LIMCH1: variants seen among roughly 807,000 people sequenced by gnomAD.
LIMCH1 encodes the protein LIM and calponin homology domains 1.
Under a neutral mutation model 176.5 loss-of-function variants are expected in LIMCH1, and 113 were observed. That is an observed-to-expected ratio of 0.64 (90% CI 0.55 to 0.75). The LOEUF (loss-of-function observed/expected upper bound fraction) is 0.75, where lower values mean the gene tolerates loss of function less well. Ranked by LOEUF, LIMCH1 falls within the 30% of genes least tolerant of loss-of-function variation. The pLI is 0.00. For synonymous variants in LIMCH1, 619 were observed against 645.9 expected, an observed-to-expected ratio of 0.96 and a Z score of 0.63; for missense variants, 1,674 against 1,814.9, an observed-to-expected ratio of 0.92 and a Z score of 1.41.
At chr4:41,428,889 C>A (rs2061350594) in intron 1 of LIMCH1, among the ~76,000 whole-genome samples, 1 of 152,216 alleles carries the variant, frequency 6.6e-6, no homozygotes, top group Non-Finnish European at 1.5e-5. Context: ...TCGCTCACTG[C>A]TGCCTGAAGT....
chr4:41,361,026 C>T (rs2154089995), intron 1 of LIMCH1: 1 of 766,036 alleles, frequency 1.3e-6, no homozygotes, highest in South Asian at 2.1e-5. Context: ...GCCTTGCCTC[C>T]CCCCAACCGC....
chr4:41,673,824 G>T (rs957467840), intron 22 of LIMCH1, among the ~76,000 whole-genome samples: 5 of 152,198 alleles, frequency 3.3e-5, no homozygotes, highest in Non-Finnish European at 7.4e-5. Flanking sequence ...CAGGTAAATT[G>T]TAGGACAAAG....
At chr4:41,467,611 C>T (rs772877313) in intron 1 of LIMCH1, among the ~76,000 whole-genome samples, 6 of 152,194 alleles carry the variant, frequency 3.9e-5, no homozygotes, top group Non-Finnish European at 5.9e-5. Flanking sequence ...CCCACCGGGT[C>T]CCTCCCATGG....
chr4:41,644,322 G>A (rs1009003784), intron 14 of LIMCH1, among the ~76,000 whole-genome samples, 178 bp from the exon 15 acceptor site: 3 of 152,050 alleles, frequency 2.0e-5, no homozygotes, highest in Non-Finnish European at 4.4e-5. Context: ...TGGGGTGCCA[G>A]CACGCCCACC....
At chr4:41,476,433 A>G (rs1384078154) in intron 1 of LIMCH1, among the ~76,000 whole-genome samples, 1 of 152,226 alleles carries the variant, frequency 6.6e-6, no homozygotes, top group Non-Finnish European at 1.5e-5. Flanking sequence ...AGCCAAATAC[A>G]GAGCCTGAGC....
chr4:41,461,074 G>A (rs1043323641), intron 1 of LIMCH1, among the ~76,000 whole-genome samples: 1 of 152,146 alleles, frequency 6.6e-6, no homozygotes, highest in Non-Finnish European at 1.5e-5. Flanking sequence ...TTATGTAGTG[G>A]TTATCCTATG....
intron 15 of LIMCH1, among the ~76,000 whole-genome samples, 156 bp downstream of exon 15, chr4:41,644,782 TGAGTA>T (rs564000118): frequency 4.0e-5 from 6 of 151,742 alleles, no homozygotes; most frequent in South Asian, 4.2e-4. Flanking sequence ...CAAAGGAAGG[TGAGTA>T]GCAGCGTGAA....
chr4:41,626,225 T>C (rs1483252532), intron 7 of LIMCH1, among the ~76,000 whole-genome samples: 1 of 152,188 alleles, frequency 6.6e-6, no homozygotes, highest in Non-Finnish European at 1.5e-5. Context: ...CCTTACATTT[T>C]GTAATCTGTT....
At chr4:41,550,204 A>T (rs1192899755) in intron 1 of LIMCH1, among the ~76,000 whole-genome samples, 2 of 151,666 alleles carry the variant, frequency 1.3e-5, no homozygotes, top group East Asian at 4.0e-4. Context: ...GTGAGACTCA[A>T]AATTTGATAT....
chr4:41,503,031 A>ATCCATCCATCCATCCG (rs1583222081), intron 2 of LIMCH1, among the ~76,000 whole-genome samples: 2 of 151,832 alleles, frequency 1.3e-5, no homozygotes, highest in East Asian at 3.9e-4. Context: ...CCATCCATCC[A>ATCCATCCATCCATCCG]TCCATCCATC....
intron 15 of LIMCH1, 60 bp downstream of exon 15, chr4:41,644,686 C>A: frequency 6.4e-7 from 1 of 1,558,484 alleles, no homozygotes; most frequent in Non-Finnish European, 8.7e-7. Flanking sequence ...AAAATCCAGC[C>A]GGGTGGGTAG....
intron 21 of LIMCH1, among the ~76,000 whole-genome samples, chr4:41,669,136 G>T (rs544724206): frequency 1.3e-5 from 2 of 152,274 alleles, no homozygotes; most frequent in East Asian, 3.9e-4. Flanking sequence ...ATTTTCATGT[G>T]TCTAGTTCTT....
At chr4:41,421,438 C>G (rs2060597493) in intron 1 of LIMCH1, among the ~76,000 whole-genome samples, 1 of 152,138 alleles carries the variant, frequency 6.6e-6, no homozygotes, top group East Asian at 1.9e-4. Flanking sequence ...TTATGTTTAA[C>G]AGTTATTGGT....
chr4:41,581,648 G>C (rs1376408681), intron 1 of LIMCH1, among the ~76,000 whole-genome samples: 2 of 151,510 alleles, frequency 1.3e-5, no homozygotes, highest in East Asian at 3.9e-4. Context: ...CTACTAAAAA[G>C]TACAAAAATT....
chr4:41,457,454 C>G (rs2064755249), intron 1 of LIMCH1, among the ~76,000 whole-genome samples: 1 of 152,058 alleles, frequency 6.6e-6, no homozygotes, highest in Non-Finnish European at 1.5e-5. Flanking sequence ...ATTTTTTGAG[C>G]ATTTTTTCTG....
chr4:41,480,436 G>A (rs1290303292), intron 1 of LIMCH1, among the ~76,000 whole-genome samples: 19 of 151,990 alleles, frequency 1.3e-4, no homozygotes, highest in Non-Finnish European at 2.6e-4. Context: ...GTGAAACCCC[G>A]GCTCCACTAA....
intron 2 of LIMCH1, among the ~76,000 whole-genome samples, chr4:41,500,423 A>C (rs1199877249): frequency 6.6e-6 from 1 of 152,142 alleles, no homozygotes; most frequent in East Asian, 1.9e-4. Context: ...ATACTTTTAC[A>C]TTACCCTTAA....
rs981439328 is a variant in LIMCH1, at chr4:41,491,892, G to C, written c.97-2644G>C. On this transcript the variant is annotated intron_variant, in intron 1 of 26. Coordinates refer to the LIMCH1 transcript ENST00000313860. ...TCACTTCCTCCCAGATGGGGCAGCC[G>C]GGCAGAGGCACTCCTCACGTCCCAG... Among the ~76,000 whole-genome samples, 11 of 149,352 alleles carry C rather than the reference G, an allele frequency of 7.4e-5. No homozygotes were observed. In the East Asian group the frequency reaches 1.4e-3, roughly 20 times the overall value.
At chr4:41,696,140 C>A (rs887415551) in intron 31 of LIMCH1, among the ~76,000 whole-genome samples, 1 of 152,086 alleles carries the variant, frequency 6.6e-6, no homozygotes, top group Non-Finnish European at 1.5e-5. Context: ...GGAAAAATAG[C>A]ATACCAGCAT....
Sources: allele counts gnomAD v4.1 joint callset (sites outside exome capture counted in the v4.1 genomes callset), GRCh38; gene constraint gnomAD v4.1.1; transcripts MANE v1.5; gene names NCBI Gene and HGNC (gene_info 2026-07-23, HGNC 2026-07-21).